The following DET1 variants were observed in gnomAD, a reference collection of about 807,000 sequenced individuals.
DET1 encodes the protein DET1 partner of COP1 E3 ubiquitin ligase.
Under a neutral mutation model 43.7 loss-of-function variants are expected in DET1, and 22 were observed. That is an observed-to-expected ratio of 0.50 (90% CI 0.36 to 0.72). DET1 has a LOEUF of 0.72. DET1 is among the 30% of genes least tolerant of loss of function. The pLI is 0.00. For missense variants in DET1, 713 were observed against 713.3 expected (o/e 1.00, Z 0.00); for synonymous variants, 315 against 266.2 (o/e 1.18, Z -1.79).
rs773541670 is a variant in DET1 at position 88,530,946 on chromosome 15, G to A, written c.760C>T (p.Arg254Trp). 1.5e-5 allele frequency: 25 copies of A among 1,613,982 alleles called. No homozygotes were observed. Among genetic ancestry groups the A allele is most frequent in the African/African-American group, 4.0e-5 (3 of 75,042 alleles). Reference protein sequence around the residue: ...VTPEGTFIDVRTIGRFCYEDD... With the variant: ...VTPEGTFIDVWTIGRFCYEDD... ...TCATAGCAAAAGCGGCCAATGGTCC[G>A]CACATCAATGAAAGTGCCTTCAGGA... The change falls in exon 2 of 5, where the codon CGG becomes TGG. Residue 254 changes from arginine to tryptophan, a missense_variant. By Grantham distance (101) the Arg-to-Trp change is moderately radical. Transcript: ENST00000268148.
At chr15:88,541,193 G>A (rs966994724) in intron 1 of DET1, among the ~76,000 whole-genome samples, 2 of 140,152 alleles carry the variant, frequency 1.4e-5, no homozygotes, top group African/African-American at 5.5e-5. Context: ...AGATGTTTAT[G>A]TGTATGCATA....
intron 1 of DET1, among the ~76,000 whole-genome samples, chr15:88,538,463 TA>T (rs1394881164): frequency 6.6e-6 from 1 of 151,398 alleles, no homozygotes; most frequent in Non-Finnish European, 1.5e-5. Context: ...CTAACTTCTG[TA>T]AAATTGTTTT....
chr15:88,542,125 C>T (rs1443240927), intron 1 of DET1, among the ~76,000 whole-genome samples: 3 of 152,218 alleles, frequency 2.0e-5, no homozygotes, highest in South Asian at 2.1e-4. Flanking sequence ...CCAGACCCAT[C>T]GACCCACCTA....
At chr15:88,532,896 T>C (rs941621039) in intron 1 of DET1, among the ~76,000 whole-genome samples, 1 of 152,170 alleles carries the variant, frequency 6.6e-6, no homozygotes, top group South Asian at 2.1e-4. Flanking sequence ...ATTTCTTGGA[T>C]AAGACACAAA....
At chr15:88,515,560 A>AAAAAAAAAAAAAAAAAC (rs2056322367) in intron 4 of DET1, among the ~76,000 whole-genome samples, 1 of 149,964 alleles carries the variant, frequency 6.7e-6, no homozygotes. Flanking sequence ...AAAAAAAAAA[A>AAAAAAAAAAAAAAAAAC]AAAAAAAAGA....
intron 7 of DET1, among the ~76,000 whole-genome samples, chr15:88,507,275 A>T (rs182227506): frequency 6.6e-6 from 1 of 152,252 alleles, no homozygotes; most frequent in Non-Finnish European, 1.5e-5. Context: ...GCATCCCATG[A>T]CTTAAAACAT....
chr15:88,538,074 A>G (rs1286653008), intron 1 of DET1, among the ~76,000 whole-genome samples: 1 of 152,228 alleles, frequency 6.6e-6, no homozygotes, highest in Non-Finnish European at 1.5e-5. Flanking sequence ...GGACTGGCAC[A>G]TGGTAGGCAT....
At chr15:88,508,560 G>A (rs2056166030), downstream of DET1, among the ~76,000 whole-genome samples, 1 of 152,184 alleles carries the variant, frequency 6.6e-6, no homozygotes, top group Non-Finnish European at 1.5e-5. Context: ...AGAAACAAGA[G>A]AACCAAGTAT....
At chr15:88,534,605 G>A (rs1363746814) in intron 1 of DET1, among the ~76,000 whole-genome samples, 1 of 152,204 alleles carries the variant, frequency 6.6e-6, no homozygotes, top group Non-Finnish European at 1.5e-5. Context: ...GAACTCCCAA[G>A]CTGCACACGT....
chr15:88,530,519 A>T, intron 2 of DET1, 104 bp downstream of exon 2: 1 of 1,495,232 alleles, frequency 6.7e-7, no homozygotes, highest in Non-Finnish European at 8.9e-7. Flanking sequence ...AATTCAGACT[A>T]CGTGAAATGT....
At position 88,530,766 on chromosome 15, in the gene DET1, T is replaced by C. The variant is rs767861711; in HGVS notation, c.940A>G (p.Met314Val). 8 of 1,613,932 alleles carry C rather than the reference T, an allele frequency of 5.0e-6. No individual in the cohort carries two copies. Among genetic ancestry groups the C allele is most frequent in the South Asian group, 3.3e-5 (3 of 91,074 alleles). ...TACTGGAAGAAGCGCCTCTTGGCCA[T>C]TGCACTACCATCCTGTTCTGCCCGG... ...WRRAEQDGSA[M>V]AKRRFFQYFD... The change falls in exon 2 of 5, where the codon ATG becomes GTG. Residue 314 changes from methionine to valine, a missense_variant. By Grantham distance (21) the Met-to-Val change is conservative. Coordinates refer to ENST00000268148, the MANE Select transcript of DET1 (RefSeq NM_001144074.3).
chr15:88,516,897 T>C lies in DET1; in HGVS notation c.1348A>G (p.Ile450Val). 1 of 1,611,158 alleles carries C rather than the reference T, an allele frequency of 6.2e-7. No individual in the cohort carries two copies. Among genetic ancestry groups the C allele is most frequent in the South Asian group, 1.1e-5 (1 of 90,360 alleles). ...AVRRLLGQLPISAQSYSGSPY... is the reference protein window; with the variant it reads ...AVRRLLGQLPVSAQSYSGSPY... ...CTACCGCTGTAAGACTGAGCACTGA[T>C]GGGGAGCTGACCCAGCAGCCGGCGT... Residue 450 changes from isoleucine to valine, a missense_variant, in exon 4 of 5, where the codon ATC (isoleucine) becomes GTC (valine). By Grantham distance (29) the Ile-to-Val change is conservative. Transcript: ENST00000268148. This position sits in a 1 kb window ranked among gnomAD's most constrained non-coding sequence, Gnocchi z 4.4.
intron 1 of DET1, among the ~76,000 whole-genome samples, chr15:88,539,938 C>G (rs1478019832): frequency 6.6e-6 from 1 of 152,168 alleles, no homozygotes; most frequent in East Asian, 1.9e-4. Context: ...TGCCCTTAAA[C>G]AGAACACTGT....
chr15:88,522,618 CCT>C (rs1400126936), intron 3 of DET1, among the ~76,000 whole-genome samples: 2 of 146,574 alleles, frequency 1.4e-5, no homozygotes, highest in East Asian at 4.2e-4. Context: ...ACGCCATTCT[CCT>C]GTCTCAGCCT....
intron 3 of DET1, among the ~76,000 whole-genome samples, chr15:88,522,339 A>G (rs1054366812): frequency 3.3e-5 from 5 of 151,968 alleles, no homozygotes; most frequent in African/African-American, 1.2e-4. Context: ...CTGCTTCTTC[A>G]GGAATTAGAC....
Position 88,505,969 on chromosome 15 carries a change from G to A in DET1, c.*2066-1982C>T, listed in dbSNP as rs185131424. On this transcript the variant is annotated intron_variant and NMD_transcript_variant, in intron 7 of 8. Coordinates refer to the DET1 transcript ENST00000557842. ...AATGGCACCACCTCAACTGACATGGGTGGGCAGGGGTTGGGCCTAGAGAAG... is the reference window on the plus strand; with the variant it reads ...AATGGCACCACCTCAACTGACATGGATGGGCAGGGGTTGGGCCTAGAGAAG... Among the ~76,000 whole-genome samples the A allele has an allele frequency of 1.3e-3, 191 of 152,258 alleles. 3 individuals carry two copies. The highest frequency in any genetic ancestry group is 0.011 in the Admixed American group (173 of 15,290).
At chr15:88,534,096 G>A (rs990944413) in intron 1 of DET1, among the ~76,000 whole-genome samples, 2 of 151,876 alleles carry the variant, frequency 1.3e-5, no homozygotes, top group African/African-American at 4.8e-5. Context: ...CAGTTAAGAC[G>A]GTAAATGTTA....
intron 3 of DET1, among the ~76,000 whole-genome samples, chr15:88,520,808 T>C (rs1452948650): frequency 1.3e-5 from 2 of 152,236 alleles, no homozygotes; most frequent in Admixed American, 6.5e-5. Flanking sequence ...GACACTCTTC[T>C]AGGTGCTTAG....
chr15:88,513,283 A>G, intron 4 of DET1, 143 bp from the exon 5 acceptor site: 1 of 824,766 alleles, frequency 1.2e-6, no homozygotes, highest in South Asian at 1.9e-5. Flanking sequence ...GCCCCAGGTT[A>G]TCAGAAGTAT....
Sources: allele counts gnomAD v4.1 joint callset (sites outside exome capture counted in the v4.1 genomes callset), GRCh38; gene constraint gnomAD v4.1.1; non-coding constraint Gnocchi (gnomAD v3.1); transcripts MANE v1.5; gene names NCBI Gene and HGNC (gene_info 2026-07-23, HGNC 2026-07-21).